AUTS2: variants seen among roughly 807,000 people sequenced by gnomAD.
AUTS2 encodes the protein activator of transcription and developmental regulator AUTS2, also known as autism susceptibility gene 2 protein.
A neutral mutation model predicts 112.4 loss-of-function variants in AUTS2; 17 were observed. The observed-to-expected ratio is 0.15, with a 90% confidence interval of 0.10 to 0.23. The LOEUF (loss-of-function observed/expected upper bound fraction) is 0.23. AUTS2 is among the 10% of genes least tolerant of loss of function. The pLI is 1.00. For missense variants in AUTS2, 1,510 were observed against 1,701.6 expected (o/e 0.89, Z 1.98); for synonymous variants, 751 against 702.7 (o/e 1.07, Z -1.09).
chr7:69,625,292 A>G (rs1793892546), intron 1 of AUTS2, among the ~76,000 whole-genome samples: 1 of 152,228 alleles, frequency 6.6e-6, no homozygotes, highest in African/African-American at 2.4e-5. Flanking sequence ...TGGAAGCCAC[A>G]AAGTGCCTGT....
chr7:69,663,780 A>G (rs1395649263), intron 1 of AUTS2, among the ~76,000 whole-genome samples: 1 of 152,210 alleles, frequency 6.6e-6, no homozygotes, highest in East Asian at 1.9e-4. Flanking sequence ...ATCAGACACA[A>G]TGCTATTCTT....
intron 2 of AUTS2, among the ~76,000 whole-genome samples, chr7:69,957,461 A>G (rs1337765897): frequency 6.6e-6 from 1 of 152,076 alleles, no homozygotes; most frequent in African/African-American, 2.4e-5. Flanking sequence ...AGCTAATATC[A>G]TTATGTTGGA....
intron 6 of AUTS2, among the ~76,000 whole-genome samples, chr7:70,706,553 C>A (rs948776796): frequency 6.6e-6 from 1 of 152,190 alleles, no homozygotes; most frequent in African/African-American, 2.4e-5. Flanking sequence ...TTGCCTCTTA[C>A]TGTGTTAATG....
intron 4 of AUTS2, among the ~76,000 whole-genome samples, chr7:70,356,448 G>A (rs1229017158): frequency 2.0e-5 from 3 of 152,170 alleles, no homozygotes; most frequent in African/African-American, 7.2e-5. Context: ...AAAACTAGAT[G>A]GAACCTAATC....
At chr7:69,681,899 G>C (rs1796816560) in intron 1 of AUTS2, among the ~76,000 whole-genome samples, 1 of 152,176 alleles carries the variant, frequency 6.6e-6, no homozygotes, top group Non-Finnish European at 1.5e-5. Context: ...TGGCAATTGA[G>C]TGCTATCAGT....
At chr7:69,777,824 A>C (rs210596) in intron 1 of AUTS2, among the ~76,000 whole-genome samples, 59,806 of 151,834 alleles carry the variant, frequency 0.39, 12,161 homozygotes, top group African/African-American at 0.49. Flanking sequence ...AGAGCTGAAC[A>C]ATGTGAGGTG....
intron 1 of AUTS2, among the ~76,000 whole-genome samples, chr7:69,698,683 G>A (rs1389048825): frequency 6.6e-6 from 1 of 152,174 alleles, no homozygotes; most frequent in East Asian, 1.9e-4. Context: ...GAGATAATGT[G>A]TTGCCGAGTC....
intron 4 of AUTS2, among the ~76,000 whole-genome samples, chr7:70,419,668 CATGCTTCTCTTCTTCTG>C (rs1795133348): frequency 6.6e-6 from 1 of 152,160 alleles, no homozygotes; most frequent in Admixed American, 6.5e-5. Context: ...GCTCTTGATG[CATGCTTCTCTTCTTCTG>C]ATGCAAATTG....
In AUTS2 at chr7:70,591,382, G is replaced by GTGTTTGTTTGTT. The variant is rs1316220849; in HGVS notation, c.691-107186_691-107185insGTTTGTTTGTTT. 5.4e-3 allele frequency among the ~76,000 whole-genome samples: 628 copies of GTGTTTGTTTGTT among 116,362 alleles called. 5 individuals carry two copies. Among genetic ancestry groups the GTGTTTGTTTGTT allele is most frequent in the African/African-American group, 0.02 (583 of 28,552 alleles). The allele number at this position is 116,362 out of a possible 152,430, so 76.3% of individuals were successfully genotyped here. The stretch of plus-strand genomic sequence containing the variant: ...TTGTTCCTAGCAACGGGTTTACCCA[G>GTGTTTGTTTGTT]TCTTTGTTTGTTTGTTTGTTTGTTT... On this transcript the variant is annotated intron_variant, in intron 5 of 18. Coordinates refer to ENST00000342771, the MANE Select transcript of AUTS2 (RefSeq NM_015570.4).
intron 4 of AUTS2, among the ~76,000 whole-genome samples, chr7:70,241,898 G>A (rs1812634894): frequency 1.3e-5 from 2 of 152,300 alleles, no homozygotes; most frequent in East Asian, 1.9e-4. Flanking sequence ...AGTTGCTTGA[G>A]CAGAGGAAAT....
chr7:70,406,588 T>C (rs1450469766), intron 4 of AUTS2, among the ~76,000 whole-genome samples: 1 of 152,220 alleles, frequency 6.6e-6, no homozygotes, highest in Non-Finnish European at 1.5e-5. Context: ...CCATCATCTC[T>C]GTTAGCCATT....
intron 4 of AUTS2, among the ~76,000 whole-genome samples, chr7:70,386,835 A>G (rs1286813281): frequency 6.6e-6 from 1 of 152,106 alleles, no homozygotes; most frequent in Non-Finnish European, 1.5e-5. Flanking sequence ...TTCAAACATC[A>G]TTATCAAGTC....
intron 5 of AUTS2, among the ~76,000 whole-genome samples, chr7:70,647,990 G>C (rs1022847013): frequency 1.3e-5 from 2 of 152,162 alleles, no homozygotes; most frequent in African/African-American, 4.8e-5. Flanking sequence ...GTAGTGGTAG[G>C]AGACTGGAAA....
chr7:70,639,218 A>T (rs1805680897), intron 5 of AUTS2, among the ~76,000 whole-genome samples: 2 of 152,206 alleles, frequency 1.3e-5, no homozygotes, highest in Non-Finnish European at 2.9e-5. Flanking sequence ...TTCTCACTAG[A>T]CGAAAGAAAA....
At chr7:70,457,499 A>G (rs570919355) in intron 5 of AUTS2, among the ~76,000 whole-genome samples, 4 of 152,368 alleles carry the variant, frequency 2.6e-5, no homozygotes, top group Non-Finnish European at 5.9e-5. Flanking sequence ...AAACCCAGTC[A>G]CAAATCACAC....
intron 5 of AUTS2, among the ~76,000 whole-genome samples, chr7:70,522,727 C>T (rs1323891198): frequency 1.3e-5 from 2 of 152,144 alleles, no homozygotes; most frequent in African/African-American, 4.8e-5. Context: ...TAGGTTGCTT[C>T]TGTGTCTTTG....
chr7:69,854,406 T>C (rs1402591311), intron 1 of AUTS2, among the ~76,000 whole-genome samples: 3 of 152,178 alleles, frequency 2.0e-5, no homozygotes, highest in Non-Finnish European at 4.4e-5. Context: ...TTGTACTTCA[T>C]CAACCTGAAT....
At chr7:69,838,414 G>C (rs1053614282) in intron 1 of AUTS2, among the ~76,000 whole-genome samples, 2 of 152,152 alleles carry the variant, frequency 1.3e-5, no homozygotes, top group African/African-American at 2.4e-5. Context: ...CTGTCAGGTA[G>C]ACAGTATTAT....
chr7:69,739,152 C>A (rs1468980202), intron 1 of AUTS2, among the ~76,000 whole-genome samples: 1 of 152,106 alleles, frequency 6.6e-6, no homozygotes, highest in African/African-American at 2.4e-5. Context: ...CCACCACCTT[C>A]ACTTCCCTCC....
Sources: gnomAD v4.1 joint callset for allele counts (sites outside exome capture counted in the v4.1 genomes callset) on GRCh38, gnomAD v4.1.1 for gene constraint, MANE v1.5 for transcripts, NCBI Gene and HGNC (gene_info 2026-07-23, HGNC 2026-07-21) for gene names.